NRXN3: variants seen among roughly 807,000 people sequenced by gnomAD.
The protein encoded by NRXN3 is neurexin III.
A neutral mutation model predicts 137.6 loss-of-function variants in NRXN3; 32 were observed. The observed-to-expected ratio is 0.23, with a 90% CI of 0.18 to 0.31. NRXN3 has a LOEUF of 0.31. Ranked by LOEUF, NRXN3 falls within the 10% of genes least tolerant of loss-of-function variation. The pLI is 1.00. For missense variants in NRXN3, 1,574 were observed against 2,062.5 expected, an observed-to-expected ratio of 0.76 and a Z score of 4.59; for synonymous variants, 798 against 784.5, an observed-to-expected ratio of 1.02 and a Z score of -0.29.
chr14:79,001,907 T>C (rs1350587234), intron 15 of NRXN3, among the ~76,000 whole-genome samples: 1 of 152,190 alleles, frequency 6.6e-6, no homozygotes, highest in African/African-American at 2.4e-5. Context: ...AGAGTTTTTG[T>C]AAAGCTTCAG....
chr14:78,750,335 G>A (rs887109662), intron 8 of NRXN3, among the ~76,000 whole-genome samples: 2 of 152,170 alleles, frequency 1.3e-5, no homozygotes, highest in Non-Finnish European at 2.9e-5. Flanking sequence ...TCTTCATGCT[G>A]AAAGGCCAAT....
intron 4 of NRXN3, among the ~76,000 whole-genome samples, chr14:78,562,790 T>C (rs77113171): frequency 0.062 from 9,459 of 152,288 alleles, 431 homozygotes; most frequent in East Asian, 0.14. Flanking sequence ...TTCTTAAAAA[T>C]ATAAAGTGAT....
intron 15 of NRXN3, among the ~76,000 whole-genome samples, chr14:79,066,613 C>T (rs901428987): frequency 2.0e-5 from 3 of 151,904 alleles, no homozygotes; most frequent in African/African-American, 4.8e-5. Flanking sequence ...TCTCCCTAGT[C>T]GTTTATTTTT....
intron 16 of NRXN3, among the ~76,000 whole-genome samples, chr14:79,620,328 A>C (rs2098209815): frequency 6.6e-6 from 1 of 152,136 alleles, no homozygotes; most frequent in Non-Finnish European, 1.5e-5. Flanking sequence ...TTGTTGGAGT[A>C]TTTTGATGTC....
chr14:79,509,509 C>G (rs568477646), intron 16 of NRXN3, among the ~76,000 whole-genome samples: 17 of 148,990 alleles, frequency 1.1e-4, no homozygotes, highest in Non-Finnish European at 2.4e-4. Context: ...GAGGAAGGCT[C>G]TGTCTCAAAA....
chr14:78,187,150 T>C (rs1018140610), intron 1 of NRXN3, among the ~76,000 whole-genome samples: 2 of 152,180 alleles, frequency 1.3e-5, no homozygotes, highest in Non-Finnish European at 2.9e-5. Flanking sequence ...GGTATTAGTG[T>C]CTTCACTTTA....
chr14:79,569,123 T>C (rs1260279937), intron 16 of NRXN3, among the ~76,000 whole-genome samples: 1 of 152,216 alleles, frequency 6.6e-6, no homozygotes, highest in East Asian at 1.9e-4. Context: ...AGATCTAAGA[T>C]GTATTATTGT....
intron 10 of NRXN3, among the ~76,000 whole-genome samples, chr14:78,929,297 A>G (rs1173157737): frequency 4.6e-5 from 7 of 152,086 alleles, no homozygotes; most frequent in African/African-American, 7.2e-5. Context: ...AGATTATTTC[A>G]TCACCCAATA....
chr14:79,238,546 A>G (rs1383965131), intron 15 of NRXN3, among the ~76,000 whole-genome samples: 2 of 152,128 alleles, frequency 1.3e-5, no homozygotes, highest in Non-Finnish European at 2.9e-5. Context: ...GATGTGATAC[A>G]TTACACACAC....
intron 4 of NRXN3, among the ~76,000 whole-genome samples, chr14:78,628,381 AT>A (rs1356738034): frequency 6.6e-6 from 1 of 152,120 alleles, no homozygotes; most frequent in Non-Finnish European, 1.5e-5. Context: ...TTTCAAAACA[AT>A]TTTTTTATAC....
intron 15 of NRXN3, among the ~76,000 whole-genome samples, chr14:79,218,338 C>A (rs1447243059): frequency 6.6e-6 from 1 of 152,106 alleles, no homozygotes; most frequent in African/African-American, 2.4e-5. Flanking sequence ...TTTCATCATG[C>A]CTCCAAAAAC....
At chr14:78,614,945 A>T (rs1178086423) in intron 4 of NRXN3, 1 of 456,630 alleles carries the variant, frequency 2.2e-6, no homozygotes, top group African/African-American at 2.0e-5. Flanking sequence ...TTCAGTGCCC[A>T]GTTTTCTGCC....
chr14:78,701,350 C>T (rs55702113), intron 6 of NRXN3, among the ~76,000 whole-genome samples: 112 of 152,276 alleles, frequency 7.4e-4, no homozygotes, highest in African/African-American at 2.6e-3. Context: ...ACTTGAGCAC[C>T]GGTAGTAATG....
In NRXN3 at chr14:79,556,292, T is replaced by A. The variant is rs78366201; in HGVS notation, c.3444+88890T>A. 5.6e-3 allele frequency among the ~76,000 whole-genome samples: 857 copies of A among 152,284 alleles called. 6 individuals carry two copies. The highest frequency in any genetic ancestry group is 0.02 in the African/African-American group (833 of 41,552). ...TCTCTGAGAGGTAAGCACGGACAAG[T>A]ATAATTCCATTTTTATGTAAGGGAA... On this transcript the variant is annotated intron_variant, in intron 16 of 20. Coordinates refer to ENST00000335750, the MANE Select transcript of NRXN3 (RefSeq NM_001330195.2).
At chr14:79,763,931 A>C (rs1235001963) in intron 19 of NRXN3, among the ~76,000 whole-genome samples, 1 of 150,104 alleles carries the variant, frequency 6.7e-6, no homozygotes, top group Non-Finnish European at 1.5e-5. Context: ...CCTCATTTCC[A>C]TGTAAAGACT....
At chr14:79,146,286 C>T (rs2153014148) in intron 15 of NRXN3, among the ~76,000 whole-genome samples, 1 of 152,198 alleles carries the variant, frequency 6.6e-6, no homozygotes, top group Middle Eastern at 3.4e-3. Flanking sequence ...TATGAAATTA[C>T]AAGGCATGGT....
At chr14:78,889,241 C>T (rs2099152364) in intron 10 of NRXN3, among the ~76,000 whole-genome samples, 1 of 151,908 alleles carries the variant, frequency 6.6e-6, no homozygotes, top group African/African-American at 2.4e-5. Flanking sequence ...AAGATTAATT[C>T]TCTGTAAATC....
Position 79,507,365 on chromosome 14 carries a change from C to T in NRXN3, c.3444+39963C>T, listed in dbSNP as rs558335359. ...TTGGTGAAAGGTACATAGGAACTCTCTGTACTATTTTGCAACTTCTATGTG... is the reference window on the plus strand; with the variant it reads ...TTGGTGAAAGGTACATAGGAACTCTTTGTACTATTTTGCAACTTCTATGTG... On this transcript the variant is annotated intron_variant, in intron 16 of 20. Transcript: ENST00000335750. Among the ~76,000 whole-genome samples the T allele has an allele frequency of 6.6e-5, 10 of 152,312 alleles. No homozygotes were observed. The South Asian group carries it at 1.5e-3, about 22-fold the overall frequency.
intron 16 of NRXN3, among the ~76,000 whole-genome samples, chr14:79,596,581 G>A (rs2097860696): frequency 6.6e-6 from 1 of 151,572 alleles, no homozygotes; most frequent in Non-Finnish European, 1.5e-5. Flanking sequence ...TTGGACAGGA[G>A]CACTCTCTCT....
Sources: allele counts gnomAD v4.1 joint callset (sites outside exome capture counted in the v4.1 genomes callset), GRCh38; gene constraint gnomAD v4.1.1; transcripts MANE v1.5; gene names NCBI Gene and HGNC (gene_info 2026-07-23, HGNC 2026-07-21).